The following MEGF11 variants were observed in gnomAD, a reference collection of about 807,000 sequenced individuals.
MEGF11 encodes the protein multiple EGF like domains 11, also known as multiple epidermal growth factor-like domains protein 11.
In MEGF11, 126 loss-of-function variants were observed where a neutral mutation model predicts 146.6. That is an observed-to-expected ratio of 0.86 (90% CI 0.74 to 1.00). The LOEUF is 1.00. MEGF11 is among the 50% of genes least tolerant of loss of function. The pLI, the probability that MEGF11 is intolerant of heterozygous loss-of-function variation, is 0.00. For missense variants in MEGF11, 1,509 were observed against 1,521.2 expected, an observed-to-expected ratio of 0.99 and a Z score of 0.13; for synonymous variants, 532 against 583.4, an observed-to-expected ratio of 0.91 and a Z score of 1.27.
chr15:65,927,613 A>G (rs1300020538), intron 13 of MEGF11, among the ~76,000 whole-genome samples: 1 of 152,176 alleles, frequency 6.6e-6, no homozygotes, highest in East Asian at 1.9e-4. Flanking sequence ...CAGAGGAAGA[A>G]AGCTTTACAT....
At chr15:66,146,130 T>C (rs1383595665) in intron 1 of MEGF11, among the ~76,000 whole-genome samples, 1 of 152,232 alleles carries the variant, frequency 6.6e-6, no homozygotes, top group East Asian at 1.9e-4. Context: ...GATCCTTCAC[T>C]GCCCGTTCTA....
intron 1 of MEGF11, among the ~76,000 whole-genome samples, chr15:66,140,035 C>A (rs1373710981): frequency 6.6e-6 from 1 of 152,148 alleles, no homozygotes; most frequent in Non-Finnish European, 1.5e-5. Context: ...CAGGCTCAGT[C>A]CTCACCGGCG....
chr15:66,188,452 C>A (rs1479688173), intron 1 of MEGF11, among the ~76,000 whole-genome samples: 2 of 152,162 alleles, frequency 1.3e-5, no homozygotes, highest in African/African-American at 4.8e-5. Flanking sequence ...AAGGCCCTGA[C>A]TCCCTTTGCT....
rs80145603 is a variant in MEGF11, at chr15:66,201,111, G to A, written c.-9+52494C>T. The stretch of plus-strand genomic sequence containing the variant: ...GGGTCTCCAAAGGACCAGCCCTGGT[G>A]TGTGATGACAGACCAAGACCAGAAG... On this transcript the variant is annotated intron_variant, in intron 1 of 25. Transcript: ENST00000395614. Among the ~76,000 whole-genome samples the A allele has an allele frequency of 7.3e-4, 111 of 152,280 alleles. No individual in the cohort carries two copies. In the East Asian group the frequency reaches 0.019, roughly 25 times the overall value.
intron 9 of MEGF11, 58 bp from the exon 10 acceptor site, chr15:65,957,779 C>T (rs916844227): frequency 3.2e-5 from 50 of 1,556,774 alleles, no homozygotes; most frequent in Admixed American, 2.2e-4. Flanking sequence ...GCCATGTCCC[C>T]GCCCTCTGTC....
intron 5 of MEGF11, among the ~76,000 whole-genome samples, chr15:66,059,235 C>T (rs1048538369): frequency 2.0e-5 from 3 of 152,214 alleles, no homozygotes; most frequent in African/African-American, 4.8e-5. Flanking sequence ...CCCTCCCCCG[C>T]GCCATCCTCA....
intron 4 of MEGF11, among the ~76,000 whole-genome samples, chr15:66,110,962 C>A (rs1202945885): frequency 6.6e-6 from 1 of 152,120 alleles, no homozygotes; most frequent in Non-Finnish European, 1.5e-5. Context: ...TCCTCCCCTG[C>A]CCTCTTGACT....
chr15:66,247,412 G>A (rs1170972444), intron 1 of MEGF11, among the ~76,000 whole-genome samples: 2 of 152,126 alleles, frequency 1.3e-5, no homozygotes, highest in African/African-American at 4.8e-5. Context: ...CCCCATCCTA[G>A]GTTCAGTAAA....
chr15:66,074,059 A>G (rs994074545), intron 5 of MEGF11, among the ~76,000 whole-genome samples: 2 of 152,174 alleles, frequency 1.3e-5, no homozygotes, highest in Non-Finnish European at 2.9e-5. Flanking sequence ...AGATGTTTTC[A>G]TTTTAGATGA....
Position 65,897,770 on chromosome 15 carries a change from A to G in MEGF11, c.*164T>C, listed in dbSNP as rs1357752605. On this transcript the variant is annotated 3_prime_UTR_variant, in exon 26 of 26. Transcript: ENST00000395614. ...CCTTTGAGAACACAATTCCTTGAAC[A>G]ATTATCCCAGTCCCACCTGGACGCT... is the stretch of plus-strand genomic sequence containing the variant. 1.6e-6 allele frequency: 1 copy of G among 624,360 alleles called. No individual in the cohort carries two copies. Among genetic ancestry groups the G allele is most frequent in the Non-Finnish European group, 2.6e-6 (1 of 388,966 alleles). The allele number at this position is 624,360 out of a possible 1,614,324, so 38.7% of individuals were successfully genotyped here.
chr15:65,978,921 A>G (rs1410858234), intron 7 of MEGF11, among the ~76,000 whole-genome samples: 1 of 151,962 alleles, frequency 6.6e-6, no homozygotes, highest in Non-Finnish European at 1.5e-5. Flanking sequence ...CATCTGAGAA[A>G]GGAAGGTATT....
At chr15:66,209,201 T>C (rs1017802497) in intron 1 of MEGF11, among the ~76,000 whole-genome samples, 1 of 151,990 alleles carries the variant, frequency 6.6e-6, no homozygotes, top group Non-Finnish European at 1.5e-5. Context: ...ATACAAAAAA[T>C]TAGCCGGGCG....
intron 5 of MEGF11, among the ~76,000 whole-genome samples, chr15:66,053,815 C>T (rs2084562939): frequency 6.7e-6 from 1 of 148,760 alleles, no homozygotes; most frequent in Non-Finnish European, 1.5e-5. Context: ...GCAGCCTCAA[C>T]CTCCCTGGGC....
chr15:66,224,674 A>T (rs968176577), intron 1 of MEGF11, among the ~76,000 whole-genome samples: 3 of 146,138 alleles, frequency 2.1e-5, no homozygotes, highest in African/African-American at 7.5e-5. Context: ...GTATATATTT[A>T]TATATAATAT....
chr15:66,062,712 T>G (rs7179823), intron 5 of MEGF11, among the ~76,000 whole-genome samples: 122,575 of 152,212 alleles, frequency 0.81, 52,616 homozygotes, highest in Non-Finnish European at 0.94. Context: ...TATGTGGGAG[T>G]TCTTTCTACA....
At chr15:66,036,484 T>C (rs2083730082) in intron 5 of MEGF11, among the ~76,000 whole-genome samples, 1 of 152,234 alleles carries the variant, frequency 6.6e-6, no homozygotes, top group Non-Finnish European at 1.5e-5. Flanking sequence ...ATATCCCCTT[T>C]CCAGGTGATG....
chr15:66,187,495 G>A (rs909831054), intron 1 of MEGF11, among the ~76,000 whole-genome samples: 5 of 152,130 alleles, frequency 3.3e-5, no homozygotes, highest in Non-Finnish European at 5.9e-5. Context: ...CTGGAGTGTC[G>A]CAACCAGGAA....
intron 5 of MEGF11, among the ~76,000 whole-genome samples, chr15:66,074,616 T>C (rs1455160220): frequency 1.3e-5 from 2 of 152,262 alleles, no homozygotes; most frequent in East Asian, 1.9e-4. Context: ...TGAAAATGTA[T>C]GTGCTGGGAC....
At position 66,071,323 on chromosome 15, in the gene MEGF11, C is replaced by T. The variant is rs77474621; in HGVS notation, c.394+23079G>A. 3.4e-3 allele frequency among the ~76,000 whole-genome samples: 518 copies of T among 152,274 alleles called. 3 individuals are homozygous for T. The highest frequency in any genetic ancestry group is 0.012 in the African/African-American group (484 of 41,558). ...GAGTCTGCCCTCCAAGAGTCTCCAC[C>T]GTGGGGTGCCGTGCCAGCCTCTGAG... On this transcript the variant is annotated intron_variant, in intron 5 of 25. Coordinates refer to ENST00000395614, the MANE Select transcript of MEGF11 (RefSeq NM_001385028.1).
Sources: allele counts gnomAD v4.1 joint callset (sites outside exome capture counted in the v4.1 genomes callset), GRCh38; gene constraint gnomAD v4.1.1; transcripts MANE v1.5; gene names NCBI Gene and HGNC (gene_info 2026-07-23, HGNC 2026-07-21).